Variants in CEP126 observed in about 807,000 individuals in gnomAD.
The protein encoded by CEP126 is centrosomal protein of 126 kDa.
Under a neutral mutation model 107.8 loss-of-function variants are expected in CEP126, and 74 were observed. That is an observed-to-expected ratio of 0.69 (90% confidence interval 0.57 to 0.83). The LOEUF is 0.83. Ranked by LOEUF, CEP126 falls within the 40% of genes least tolerant of loss-of-function variation. The probability of loss-of-function intolerance (pLI) is 0.00; values close to 1 mark genes in which losing one functional copy is unlikely to be tolerated. For synonymous variants in CEP126, 449 were observed against 446.0 expected (o/e 1.01, Z -0.08); for missense variants, 1,237 against 1,281.9 (o/e 0.96, Z 0.53).
Position 101,978,467 on chromosome 11 carries a change from TG to T in CEP126, c.2958+10del. The T allele has an allele frequency of 6.5e-7, 1 of 1,529,300 alleles. No individual in the cohort carries two copies. Among genetic ancestry groups the T allele is most frequent in the Non-Finnish European group, 9.0e-7 (1 of 1,106,202 alleles). 94.7% of individuals were successfully genotyped at this position (1,529,300 alleles called of 1,614,324 possible). On this transcript the variant is annotated intron_variant, in intron 7 of 10. Transcript: ENST00000263468. ...TACAGTGAGCAAATTAATGTAAGTA[TG>T]GTATTAATCAAAATCTCTATTCAAT...
chr11:101,948,022 T>C lies in CEP126; in HGVS notation c.395-9T>C, dbSNP rs780604885. ...ATTCTGTACTGTTCGGTCTTTATTA[T>C]CTCTTTAGTTTCCCGAAAACCAGTT... On this transcript the variant is annotated splice_polypyrimidine_tract_variant and intron_variant, in intron 3 of 10. Transcript: ENST00000263468. 6.5e-7 allele frequency: 1 copy of C among 1,540,206 alleles called. No individual in the cohort carries two copies. Among genetic ancestry groups the C allele is most frequent in the Non-Finnish European group, 9.0e-7 (1 of 1,115,108 alleles).
intron 2 of CEP126, among the ~76,000 whole-genome samples, chr11:101,941,158 T>C (rs139399157): frequency 4.9e-4 from 74 of 152,328 alleles, no homozygotes; most frequent in African/African-American, 1.5e-3. Flanking sequence ...TATGACTCTC[T>C]ATTTAATCGC....
rs1469422242 is a variant in CEP126 at position 101,915,151 on chromosome 11, C to G, written c.-134C>G. ...TGCGCGGGAGCTAGGGCTGTCGAGG[C>G]CAACCCTTCCGCGCCCGTGACGCGG... On this transcript the variant is annotated 5_prime_UTR_variant, in exon 1 of 11. Coordinates refer to ENST00000263468, the MANE Select transcript of CEP126 (RefSeq NM_020802.4). 5 of 1,389,958 alleles carry G rather than the reference C, an allele frequency of 3.6e-6. No individual in the cohort carries two copies. Among genetic ancestry groups the G allele is most frequent in the Non-Finnish European group, 4.9e-6 (5 of 1,023,590 alleles). The allele number at this position is 1,389,958 out of a possible 1,614,324, so 86.1% of individuals were successfully genotyped here.
chr11:101,938,924 G>C (rs12281520), intron 2 of CEP126, among the ~76,000 whole-genome samples: 57,985 of 151,472 alleles, frequency 0.38, 11,357 homozygotes, highest in East Asian at 0.51. Context: ...AATGTGTTTT[G>C]GTCAAAAACA....
intron 2 of CEP126, among the ~76,000 whole-genome samples, chr11:101,936,913 T>G (rs1354329385): frequency 1.3e-5 from 2 of 152,228 alleles, no homozygotes; most frequent in Non-Finnish European, 2.9e-5. Context: ...TTTTATAAAC[T>G]GCTGGATTTT....
At chr11:101,924,708 T>A (rs771115949) in intron 2 of CEP126, among the ~76,000 whole-genome samples, 1 of 152,152 alleles carries the variant, frequency 6.6e-6, no homozygotes, top group Non-Finnish European at 1.5e-5. Flanking sequence ...CCTCAAGTGA[T>A]CCTCCCATCT....
chr11:101,995,037 C>G, intron 10 of CEP126, among the ~76,000 whole-genome samples: 1 of 152,118 alleles, frequency 6.6e-6, no homozygotes, highest in South Asian at 2.1e-4. Flanking sequence ...CCTCCACCCC[C>G]GACAGGCCCT....
rs369900233 is a variant in CEP126, at chr11:101,999,010, G to T, written c.*1367G>T. On this transcript the variant is annotated 3_prime_UTR_variant, in exon 11 of 11. Coordinates refer to ENST00000263468, the MANE Select transcript of CEP126 (RefSeq NM_020802.4). ...GAAAAGAATTCACTTTTTAAATGAA[G>T]AAATTAGTGAAAAAATTGACCTAAT... 1 of 152,076 alleles carries T rather than the reference G, an allele frequency of 6.6e-6. No individual in the cohort carries two copies. The highest frequency in any genetic ancestry group is 2.4e-5 in the African/African-American group (1 of 41,410). 9.4% of individuals were successfully genotyped at this position (152,076 alleles called of 1,614,324 possible).
At chr11:101,944,459 T>A (rs766379127) in intron 3 of CEP126, 49 bp downstream of exon 3, 1 of 1,503,824 alleles carries the variant, frequency 6.6e-7, no homozygotes, top group South Asian at 1.3e-5. Flanking sequence ...TTAATCTCAT[T>A]TGACTTGAGT....
In CEP126 at chr11:102,000,109, G is replaced by T. The variant is rs1457270553; in HGVS notation, c.*2466G>T. On this transcript the variant is annotated 3_prime_UTR_variant, in exon 11 of 11. Coordinates refer to ENST00000263468, the MANE Select transcript of CEP126 (RefSeq NM_020802.4). ...CAGGAGAATCGTTTGAACCCAGGAG[G>T]TAGAGGTTGCAGTGAGCTGAGATTG... The T allele has an allele frequency of 6.6e-6, 1 of 152,076 alleles. No individual in the cohort carries two copies. Among genetic ancestry groups the T allele is most frequent in the Non-Finnish European group, 1.5e-5 (1 of 68,040 alleles). 9.4% of individuals were successfully genotyped at this position (152,076 alleles called of 1,614,324 possible).
At chr11:101,975,251 C>A (rs746738478) in intron 6 of CEP126, among the ~76,000 whole-genome samples, 1 of 151,938 alleles carries the variant, frequency 6.6e-6, no homozygotes, top group African/African-American at 2.4e-5. Context: ...GTGAAATCAA[C>A]GACTGGTAAC....
At chr11:101,980,433 A>G (rs1314007740) in intron 7 of CEP126, among the ~76,000 whole-genome samples, 1 of 152,180 alleles carries the variant, frequency 6.6e-6, no homozygotes, top group Non-Finnish European at 1.5e-5. Context: ...TTTTTATTTT[A>G]CTAGGTCTTA....
At chr11:101,951,149 G>A (rs1940807359) in intron 4 of CEP126, among the ~76,000 whole-genome samples, 1 of 152,166 alleles carries the variant, frequency 6.6e-6, no homozygotes, top group African/African-American at 2.4e-5. Flanking sequence ...TGCTTTCACA[G>A]TGCAGAGAAG....
In CEP126 at chr11:101,962,950, A is replaced by G. The variant is rs532127403; in HGVS notation, c.1915A>G (p.Ile639Val). 1.2e-6 allele frequency: 2 copies of G among 1,610,752 alleles called. No individual in the cohort carries two copies. Among genetic ancestry groups the G allele is most frequent in the East Asian group, 2.2e-5 (1 of 44,858 alleles). ...KLRWFDETSN[I>V]ENNAENSHSL... Reference sequence around the variant, plus strand: ...GAGGTGGTTTGATGAAACTAGCAATATAGAAAACAATGCTGAAAACAGTCA... The same window carrying G: ...GAGGTGGTTTGATGAAACTAGCAATGTAGAAAACAATGCTGAAAACAGTCA... Residue 639 changes from isoleucine (I) to valine (V), a missense_variant, in exon 6 of 11, where the codon ATA becomes GTA. By Grantham distance (29) the Ile-to-Val change is conservative. This residue lies in a region of CEP126 where 1,134 missense variants were observed against 1,150.5 expected (regional missense o/e 0.99). Coordinates refer to ENST00000263468, the MANE Select transcript of CEP126 (RefSeq NM_020802.4).
intron 10 of CEP126, among the ~76,000 whole-genome samples, chr11:101,997,270 T>C (rs1941453318): frequency 6.6e-6 from 1 of 152,194 alleles, no homozygotes; most frequent in African/African-American, 2.4e-5. Context: ...ACTCCCGACT[T>C]CGTGATCCGC....
intron 1 of CEP126, among the ~76,000 whole-genome samples, chr11:101,918,528 G>T (rs1940271842): frequency 6.6e-6 from 1 of 152,148 alleles, no homozygotes. Context: ...AAAAGGTACT[G>T]CCCCATGCTC....
intron 2 of CEP126, among the ~76,000 whole-genome samples, chr11:101,937,733 T>A (rs1325887223): frequency 6.6e-6 from 1 of 152,168 alleles, no homozygotes; most frequent in Non-Finnish European, 1.5e-5. Context: ...GACAAAAAAA[T>A]TATAATATAT....
chr11:101,962,211 G>A lies in CEP126; in HGVS notation c.1176G>A (p.Met392Ile), dbSNP rs890777327. 1 of 1,613,922 alleles carries A rather than the reference G, an allele frequency of 6.2e-7. No individual in the cohort carries two copies. The highest frequency in any genetic ancestry group is 1.1e-5 in the South Asian group (1 of 91,066). The change falls in exon 6 of 11, where the codon ATG (methionine) becomes ATA (isoleucine). Residue 392 changes from methionine to isoleucine, a missense_variant. This residue lies in a region of CEP126 where 1,134 missense variants were observed against 1,150.5 expected (regional missense o/e 0.99). Coordinates refer to ENST00000263468, the MANE Select transcript of CEP126 (RefSeq NM_020802.4). ...AAAAGACCTCTGAAACTAGCACTAT[G>A]AGGACAACTGACTCCACTTCTGGAG... The part of the protein sequence containing the change: ...KCEKTSETST[M>I]RTTDSTSGAF...
At chr11:101,980,541 C>G (rs954827610) in intron 7 of CEP126, among the ~76,000 whole-genome samples, 10 of 152,162 alleles carry the variant, frequency 6.6e-5, no homozygotes, top group Non-Finnish European at 1.5e-4. Context: ...ACATACAGAT[C>G]TTCACCCATC....
Sources: allele counts gnomAD v4.1 joint callset (sites outside exome capture counted in the v4.1 genomes callset), GRCh38; gene constraint gnomAD v4.1.1; regional missense constraint gnomAD v4.1.1; transcripts MANE v1.5; gene names NCBI Gene and HGNC (gene_info 2026-07-23, HGNC 2026-07-21).